VPS13B: variants seen among roughly 807,000 people sequenced by gnomAD.
VPS13B encodes vacuolar protein sorting 13 homolog B, also known as intermembrane lipid transfer protein VPS13B.
A neutral mutation model predicts 426.4 loss-of-function variants in VPS13B; 285 were observed. That is an observed-to-expected ratio of 0.67 (90% CI 0.61 to 0.74). The LOEUF (loss-of-function observed/expected upper bound fraction) is 0.74. Ranked by LOEUF, VPS13B falls within the 30% of genes least tolerant of loss-of-function variation. The probability of loss-of-function intolerance (pLI) is 0.00; values close to 1 mark genes in which losing one functional copy is unlikely to be tolerated. For missense variants in VPS13B, 4,537 were observed against 4,782.6 expected (o/e 0.95, Z 1.51); for synonymous variants, 1,676 against 1,676.4 (o/e 1.00, Z 0.01).
intron 43 of VPS13B, among the ~76,000 whole-genome samples, chr8:99,786,537 A>T (rs1391872476): frequency 1.3e-5 from 2 of 152,174 alleles, no homozygotes; most frequent in East Asian, 3.9e-4. Flanking sequence ...AGGCTAAACT[A>T]ATAGGGGATT....
At chr8:99,560,347 A>G (rs1359285413) in intron 31 of VPS13B, among the ~76,000 whole-genome samples, 1 of 151,820 alleles carries the variant, frequency 6.6e-6, no homozygotes, top group Non-Finnish European at 1.5e-5. Context: ...ATCATGGTAG[A>G]CGTGTTTTCT....
intron 17 of VPS13B, among the ~76,000 whole-genome samples, chr8:99,251,926 C>A (rs138017013): frequency 1.3e-5 from 2 of 151,568 alleles, no homozygotes; most frequent in Admixed American, 1.3e-4. Flanking sequence ...TAATGATATC[C>A]CATTTCATTC....
chr8:99,056,177 C>G (rs1306569899), intron 3 of VPS13B, among the ~76,000 whole-genome samples: 1 of 152,022 alleles, frequency 6.6e-6, no homozygotes, highest in African/African-American at 2.4e-5. Context: ...CCACCCCAGC[C>G]TCCCAAGTAG....
At chr8:99,705,786 C>G (rs1217403603) in intron 36 of VPS13B, among the ~76,000 whole-genome samples, 1 of 151,936 alleles carries the variant, frequency 6.6e-6, no homozygotes, top group African/African-American at 2.4e-5. Flanking sequence ...CAAAGGGAAG[C>G]CTTTAAAATA....
intron 16 of VPS13B, among the ~76,000 whole-genome samples, chr8:99,190,315 T>C (rs1292659923): frequency 6.6e-6 from 1 of 151,978 alleles, no homozygotes; most frequent in Non-Finnish European, 1.5e-5. Flanking sequence ...CTATCTACTT[T>C]ATTATTTAAA....
intron 33 of VPS13B, among the ~76,000 whole-genome samples, chr8:99,603,691 C>T (rs946288436): frequency 6.6e-6 from 1 of 152,164 alleles, no homozygotes; most frequent in Non-Finnish European, 1.5e-5. Context: ...GAATGGCATA[C>T]AATTTAAAAC....
At chr8:99,222,280 T>G (rs1815766863) in intron 17 of VPS13B, among the ~76,000 whole-genome samples, 1 of 152,220 alleles carries the variant, frequency 6.6e-6, no homozygotes, top group Non-Finnish European at 1.5e-5. Flanking sequence ...TCTAGCCCCA[T>G]GTAACTTCCT....
At chr8:99,859,934 C>G (rs1402197923) in intron 57 of VPS13B, among the ~76,000 whole-genome samples, 2 of 152,188 alleles carry the variant, frequency 1.3e-5, no homozygotes, top group African/African-American at 4.8e-5. Flanking sequence ...CAACTTTTCT[C>G]TAGCACGCCA....
intron 16 of VPS13B, among the ~76,000 whole-genome samples, chr8:99,180,359 A>G (rs1183112174): frequency 6.6e-6 from 1 of 152,202 alleles, no homozygotes; most frequent in Non-Finnish European, 1.5e-5. Context: ...GGTCCATGGT[A>G]TAATTCCAGT....
intron 39 of VPS13B, among the ~76,000 whole-genome samples, chr8:99,737,152 G>T (rs575749865): frequency 1.0e-5 from 1 of 99,462 alleles, no homozygotes; most frequent in Non-Finnish European, 1.8e-5. Flanking sequence ...ACAGAGTCTC[G>T]CTCTGTCGCC....
At chr8:99,042,096 C>T (rs557259667) in intron 3 of VPS13B, among the ~76,000 whole-genome samples, 13 of 148,532 alleles carry the variant, frequency 8.8e-5, no homozygotes, top group South Asian at 2.1e-4. Flanking sequence ...GCAGAGGCCG[C>T]GCCATTGCAC....
At chr8:99,612,120 G>A (rs1375441755) in intron 33 of VPS13B, among the ~76,000 whole-genome samples, 1 of 152,122 alleles carries the variant, frequency 6.6e-6, no homozygotes, top group Non-Finnish European at 1.5e-5. Context: ...CAGATTTTAT[G>A]TCTAAAGTAC....
intron 2 of VPS13B, among the ~76,000 whole-genome samples, chr8:99,026,550 C>T (rs1842145045): frequency 1.3e-5 from 2 of 152,232 alleles, no homozygotes; most frequent in South Asian, 4.2e-4. Flanking sequence ...GTGTTCAAGT[C>T]CCCAACTATT....
intron 17 of VPS13B, among the ~76,000 whole-genome samples, chr8:99,230,918 T>C (rs1816288550): frequency 6.6e-6 from 1 of 152,240 alleles, no homozygotes; most frequent in African/African-American, 2.4e-5. Context: ...TTCAGTGTCA[T>C]TTGTGGCATT....
intron 2 of VPS13B, among the ~76,000 whole-genome samples, chr8:99,027,521 T>C (rs1187915285): frequency 8.5e-6 from 1 of 117,174 alleles, no homozygotes; most frequent in Non-Finnish European, 1.9e-5. Flanking sequence ...CCCTTAATCA[T>C]TTCTTCTACA....
intron 3 of VPS13B, among the ~76,000 whole-genome samples, chr8:99,089,744 A>G (rs930600747): frequency 1.3e-5 from 2 of 152,206 alleles, no homozygotes; most frequent in African/African-American, 4.8e-5. Flanking sequence ...AAAAGGTGCC[A>G]GACTCTTAGT....
intron 24 of VPS13B, among the ~76,000 whole-genome samples, chr8:99,480,791 G>A (rs1819996064): frequency 6.6e-6 from 1 of 152,010 alleles, no homozygotes; most frequent in Non-Finnish European, 1.5e-5. Context: ...ATGTGTCCTG[G>A]GGCTGAAACT....
At chr8:99,178,711 T>A (rs1016827129) in intron 16 of VPS13B, among the ~76,000 whole-genome samples, 3 of 152,084 alleles carry the variant, frequency 2.0e-5, no homozygotes, top group African/African-American at 7.2e-5. Context: ...AACCTCTATC[T>A]CCTGGGTTCA....
intron 19 of VPS13B, among the ~76,000 whole-genome samples, chr8:99,356,394 C>T (rs561434841): frequency 2.0e-5 from 3 of 152,196 alleles, no homozygotes; most frequent in East Asian, 1.9e-4. Context: ...ACACCTGTAA[C>T]GTTAGCACTT....
Sources: allele counts gnomAD v4.1 joint callset (sites outside exome capture counted in the v4.1 genomes callset), GRCh38; gene constraint gnomAD v4.1.1; transcripts MANE v1.5; gene names NCBI Gene and HGNC (gene_info 2026-07-23, HGNC 2026-07-21).